KSR1: variants seen among roughly 807,000 people sequenced by gnomAD.
KSR1 encodes the protein kinase suppressor of ras.
KSR1 carries 35 observed loss-of-function variants against 92.9 expected under a neutral mutation model. That is an observed-to-expected ratio of 0.38 (90% CI 0.29 to 0.50). KSR1 has a LOEUF of 0.50. Ranked by LOEUF, KSR1 falls within the 20% of genes least tolerant of loss-of-function variation. The probability of loss-of-function intolerance (pLI) is 0.94; values close to 1 mark genes in which losing one functional copy is unlikely to be tolerated. For missense variants in KSR1, 972 were observed against 1,158.5 expected, an observed-to-expected ratio of 0.84 and a Z score of 2.34; for synonymous variants, 467 against 472.6, an observed-to-expected ratio of 0.99 and a Z score of 0.15.
At chr17:27,477,663 A>G (rs1398375684) in intron 1 of KSR1, among the ~76,000 whole-genome samples, 3 of 151,440 alleles carry the variant, frequency 2.0e-5, no homozygotes, top group Non-Finnish European at 2.9e-5. Flanking sequence ...GAATGCCATC[A>G]TAGCCCCTCC....
chr17:27,583,215 A>G (rs1209452172), intron 4 of KSR1, 110 bp downstream of exon 4: 1 of 730,606 alleles, frequency 1.4e-6, no homozygotes, highest in African/African-American at 1.8e-5. Flanking sequence ...TGTAAAGTCA[A>G]AAGTAAAAGG....
At chr17:27,530,967 C>T (rs1287886959) in intron 1 of KSR1, among the ~76,000 whole-genome samples, 1 of 152,160 alleles carries the variant, frequency 6.6e-6, no homozygotes, top group Non-Finnish European at 1.5e-5. Flanking sequence ...GTGGTTTTAC[C>T]ATCACCTCCT....
intron 1 of KSR1, among the ~76,000 whole-genome samples, chr17:27,475,385 C>A (rs1233178135): frequency 6.6e-6 from 1 of 152,202 alleles, no homozygotes. Flanking sequence ...TTATGTCTTA[C>A]TAAAAAATGG....
chr17:27,568,004 G>A (rs2072153584), intron 2 of KSR1, among the ~76,000 whole-genome samples: 2 of 152,224 alleles, frequency 1.3e-5, no homozygotes, highest in African/African-American at 4.8e-5. Context: ...CCTGGTAGCT[G>A]TGGCATTGGT....
intron 1 of KSR1, among the ~76,000 whole-genome samples, chr17:27,543,071 C>A (rs530362026): frequency 6.6e-6 from 1 of 152,380 alleles, no homozygotes; most frequent in East Asian, 1.9e-4. Context: ...CACTGCTGCA[C>A]TTCCAGCCAG....
At chr17:27,466,505 G>GC (rs2019704857) in intron 1 of KSR1, among the ~76,000 whole-genome samples, 1 of 152,174 alleles carries the variant, frequency 6.6e-6, no homozygotes, top group Non-Finnish European at 1.5e-5. Flanking sequence ...GGCCCTGGGT[G>GC]CATTTAGTTG....
At chr17:27,514,529 G>A (rs539645028) in intron 1 of KSR1, among the ~76,000 whole-genome samples, 8 of 152,002 alleles carry the variant, frequency 5.3e-5, no homozygotes, top group Non-Finnish European at 8.8e-5. Flanking sequence ...GTGTGGTGGC[G>A]TACGCCTGTA....
chr17:27,614,049 G>A (rs191313853), intron 18 of KSR1, among the ~76,000 whole-genome samples: 18 of 152,340 alleles, frequency 1.2e-4, no homozygotes, highest in African/African-American at 4.1e-4. Flanking sequence ...GGATCCATCT[G>A]CCTCAGCCTC....
chr17:27,470,396 C>CA (rs982980738), intron 1 of KSR1, among the ~76,000 whole-genome samples: 12 of 151,892 alleles, frequency 7.9e-5, no homozygotes, highest in African/African-American at 2.4e-4. Context: ...TGCCCGCCAC[C>CA]ACGCCCAGCT....
At chr17:27,501,269 T>C (rs953520369) in intron 1 of KSR1, among the ~76,000 whole-genome samples, 26 of 150,438 alleles carry the variant, frequency 1.7e-4, no homozygotes, top group Non-Finnish European at 3.3e-4. Context: ...TTTTTCTTTT[T>C]TTTTTTTTTA....
In KSR1 at chr17:27,604,777, C is replaced by G. The variant is rs753574516; in HGVS notation, c.1614+49C>G. ...ACAGATGGCCCCCCCTCTTTTTTCCCTTCCCCATCTCAGAATGCGCAGGGG... is the reference window on the plus strand; with the variant it reads ...ACAGATGGCCCCCCCTCTTTTTTCCGTTCCCCATCTCAGAATGCGCAGGGG... On this transcript the variant is annotated intron_variant, in intron 13 of 20. Transcript: ENST00000644974. 6.3e-6 allele frequency: 10 copies of G among 1,592,876 alleles called. No homozygotes were observed. In the East Asian group the frequency reaches 2.2e-4, roughly 36 times the overall value.
At chr17:27,496,301 A>T (rs1173896450) in intron 1 of KSR1, among the ~76,000 whole-genome samples, 1 of 152,120 alleles carries the variant, frequency 6.6e-6, no homozygotes, top group Non-Finnish European at 1.5e-5. Context: ...CTCTAATTAC[A>T]CTTAATAAGA....
intron 10 of KSR1, 94 bp from the exon 11 acceptor site, chr17:27,601,266 A>AGTCCCTGCCTCCCAAGCCG (rs2073546784): frequency 9.1e-7 from 1 of 1,095,452 alleles, no homozygotes; most frequent in Admixed American, 2.0e-5. Flanking sequence ...CCCAGTAACA[A>AGTCCCTGCCTCCCAAGCCG]GTCCCTGCCT....
At position 27,456,460 on chromosome 17, in the gene KSR1, T is replaced by G; in HGVS notation, c.-184T>G. On this transcript the variant is annotated 5_prime_UTR_variant, in exon 1 of 21. Coordinates refer to ENST00000644974, the MANE Select transcript of KSR1 (RefSeq NM_001394583.1). ...CCGCAGCCGTCGGGTCGCCGCGGCT[T>G]TCGCTTTGCTGCCGCGGCTGGGAGG... 8.0e-6 allele frequency: 3 copies of G among 374,536 alleles called. No individual in the cohort carries two copies. The highest frequency in any genetic ancestry group is 2.1e-5 in the African/African-American group (1 of 47,058). 23.2% of individuals were successfully genotyped at this position (374,536 alleles called of 1,614,324 possible).
chr17:27,576,555 G>A (rs2072513791), intron 2 of KSR1, among the ~76,000 whole-genome samples: 1 of 152,094 alleles, frequency 6.6e-6, no homozygotes, highest in Admixed American at 6.6e-5. Flanking sequence ...GTGGGGAGAG[G>A]TCGTGGCAGT....
rs1258615328 is a variant in KSR1 at position 27,617,553 on chromosome 17, G to C, written c.2627+125G>C. 46 of 1,175,570 alleles carry C rather than the reference G, an allele frequency of 3.9e-5. No individual in the cohort carries two copies. In the East Asian group the frequency reaches 1.2e-3, roughly 31 times the overall value. 72.8% of individuals were successfully genotyped at this position (1,175,570 alleles called of 1,614,324 possible). On this transcript the variant is annotated intron_variant, in intron 19 of 20. Transcript: ENST00000644974. ...TTTTTGGGGTTTTTTTTGAGACAGA[G>C]TCTCGCTCTTGTCATCAGGGCTGGA...
rs71160198 is a variant in KSR1, at chr17:27,579,878, CAAAAAAAAA to C, written c.520+2264_520+2272del. ...GTAACAGAGCCAGATGCTGTCTCAC[CAAAAAAAAA>C]AAAAAAAAAAAAAAAAAAAAAAAAG... On this transcript the variant is annotated intron_variant, in intron 3 of 20. Transcript: ENST00000644974. The C allele has an allele frequency of 1.4e-3, 40 of 29,606 alleles. 1 individual carries two copies. The highest frequency in any genetic ancestry group is 3.0e-3 in the South Asian group (1 of 334). 1.8% of individuals were successfully genotyped at this position (29,606 alleles called of 1,614,324 possible). A position where few individuals can be genotyped will look rare whatever the true frequency, so the allele number is the denominator to read the frequency against.
rs1454561676 is a variant in KSR1 at position 27,588,468 on chromosome 17, C to T, written c.986-7C>T. 2 of 1,573,286 alleles carry T rather than the reference C, an allele frequency of 1.3e-6. No individual in the cohort carries two copies. Among genetic ancestry groups the T allele is most frequent in the Non-Finnish European group, 1.7e-6 (2 of 1,159,348 alleles). ...TCAGCCTGCCCATCCGGCCTCTTTC[C>T]CTGCAGATCTCTCGCATGGATCCCC... is the stretch of plus-strand genomic sequence containing the variant. On this transcript the variant is annotated splice_polypyrimidine_tract_variant and splice_region_variant and intron_variant, in intron 5 of 20. Coordinates refer to ENST00000644974, the MANE Select transcript of KSR1 (RefSeq NM_001394583.1).
intron 1 of KSR1, among the ~76,000 whole-genome samples, chr17:27,512,365 AGAG>A (rs1339726330): frequency 6.6e-6 from 1 of 152,156 alleles, no homozygotes; most frequent in African/African-American, 2.4e-5. Context: ...TCTTCTCTGA[AGAG>A]GAGGATTCCA....
Sources: gnomAD v4.1 joint callset for allele counts (sites outside exome capture counted in the v4.1 genomes callset) on GRCh38, gnomAD v4.1.1 for gene constraint, MANE v1.5 for transcripts, NCBI Gene and HGNC (gene_info 2026-07-23, HGNC 2026-07-21) for gene names.